Variants in CEP131 observed in about 807,000 individuals in gnomAD.
CEP131 encodes the protein centrosomal protein 131, also known as centrosomal protein of 131 kDa.
Under a neutral mutation model 136.8 loss-of-function variants are expected in CEP131, and 99 were observed. The observed-to-expected ratio is 0.72, with a 90% CI of 0.62 to 0.86. The LOEUF is 0.86. Among genes scored for constraint, CEP131 ranks in the 40% least tolerant of loss-of-function variants. The pLI is 0.00. For missense variants in CEP131, 1,459 were observed against 1,463.0 expected (o/e 1.00, Z 0.04); for synonymous variants, 646 against 612.7 (o/e 1.05, Z -0.80).
At chr17:81,213,650 G>A (rs1156297638) in intron 2 of CEP131, among the ~76,000 whole-genome samples, 3 of 152,068 alleles carry the variant, frequency 2.0e-5, no homozygotes, top group African/African-American at 7.3e-5. Context: ...CTTCTCTAAA[G>A]GAGGGGGAGC....
At chr17:81,193,467 G>T (rs2061687079) in intron 18 of CEP131, among the ~76,000 whole-genome samples, 1 of 152,152 alleles carries the variant, frequency 6.6e-6, no homozygotes, top group African/African-American at 2.4e-5. Flanking sequence ...GACCACCACT[G>T]GGCACGTCCC....
At chr17:81,212,078 G>A (rs546899734) in intron 2 of CEP131, among the ~76,000 whole-genome samples, 3 of 152,208 alleles carry the variant, frequency 2.0e-5, no homozygotes, top group African/African-American at 7.2e-5. Flanking sequence ...ACTTTGAGAG[G>A]CCGAGGTGGG....
At chr17:81,197,117 A>G (rs967458896) in intron 13 of CEP131, 62 bp from the exon 14 acceptor site, 100 of 1,533,750 alleles carry the variant, frequency 6.5e-5, no homozygotes, top group Non-Finnish European at 8.6e-5. Flanking sequence ...CAAGGACCTG[A>G]CACGATGCCC....
At chr17:81,213,048 G>A (rs769614481) in intron 2 of CEP131, among the ~76,000 whole-genome samples, 9 of 152,118 alleles carry the variant, frequency 5.9e-5, no homozygotes, top group Non-Finnish European at 1.3e-4. Context: ...GGAGGAAATA[G>A]ACAAGATGAG....
At position 81,199,728 on chromosome 17, in the gene CEP131, T is replaced by C. The variant is rs2061847685; in HGVS notation, c.1014A>G (p.Ala338=). The C allele has an allele frequency of 6.2e-7, 1 of 1,609,410 alleles. No homozygotes were observed. ...REEKARQARR[A]AIQELQQKRA... ...CCTGCGCGGTCAGCACCTGAATGGC[T>C]GCTCGCCTGGCTTGGCGTGCCTTCT... is the stretch of plus-strand genomic sequence containing the variant. The change falls in exon 9 of 26, where the codon GCA becomes GCG. Residue 338 remains alanine (A), a synonymous_variant. Coordinates refer to ENST00000450824, the MANE Select transcript of CEP131 (RefSeq NM_014984.4).
chr17:81,196,825 G>T lies in CEP131; in HGVS notation c.1775C>A (p.Ala592Glu). The change falls in exon 15 of 26, where the codon GCG becomes GAG. Residue 592 changes from alanine to glutamate, a missense_variant and splice_region_variant. Transcript: ENST00000450824. Reference protein sequence around the residue: ...QAMLLLQRALAQQRDLTARRV... With the variant: ...QAMLLLQRALEQQRDLTARRV... ...CCGGGCCGTGAGGTCTCGCTGCTGC[G>T]CCTGCAGGGTGTGGGCAGAGGAGGG... 6.3e-7 allele frequency: 1 copy of T among 1,595,384 alleles called. No individual in the cohort carries two copies. Among genetic ancestry groups the T allele is most frequent in the Non-Finnish European group, 8.5e-7 (1 of 1,172,274 alleles).
intron 1 of CEP131, among the ~76,000 whole-genome samples, chr17:81,221,393 C>T (rs1052862107): frequency 7.2e-5 from 11 of 152,170 alleles, no homozygotes; most frequent in African/African-American, 1.9e-4. Context: ...TCTTTCTGAA[C>T]GGGTCTCAGC....
chr17:81,207,049 CAGTG>C, intron 4 of CEP131, 72 bp downstream of exon 4: 1 of 1,546,050 alleles, frequency 6.5e-7, no homozygotes, highest in South Asian at 1.2e-5. Flanking sequence ...TTTGCAAAGG[CAGTG>C]AGAACAAATT....
chr17:81,194,289 G>A (rs1037961524), intron 17 of CEP131, among the ~76,000 whole-genome samples, 162 bp from the exon 18 acceptor site: 2 of 152,164 alleles, frequency 1.3e-5, no homozygotes, highest in African/African-American at 4.8e-5. Context: ...CGCCCACGAG[G>A]TGGGGAAGAG....
rs2062068972 is a variant in CEP131, at chr17:81,208,737, G to C, written c.272+191C>G. ...GGAGAGTGTCTGCCTCAGGCCTCCC[G>C]CCCCAATGCGAGAGGAGGCCTGGGA... is the stretch of plus-strand genomic sequence containing the variant. On this transcript the variant is annotated intron_variant, in intron 3 of 25. Transcript: ENST00000450824. This position sits in a 1 kb window ranked among gnomAD's most constrained non-coding sequence, Gnocchi z 5.6. 6.6e-6 allele frequency among the ~76,000 whole-genome samples: 1 copy of C among 152,078 alleles called. No individual in the cohort carries two copies. Among genetic ancestry groups the C allele is most frequent in the African/African-American group, 2.4e-5 (1 of 41,434 alleles).
chr17:81,216,262 G>A (rs1057046012), intron 2 of CEP131, among the ~76,000 whole-genome samples: 1 of 152,140 alleles, frequency 6.6e-6, no homozygotes, highest in Admixed American at 6.5e-5. Flanking sequence ...GGGAGGCAGA[G>A]GCAGGAGAAT....
Position 81,191,077 on chromosome 17 carries a change from G to T in CEP131, c.2773C>A (p.Arg925Ser), listed in dbSNP as rs753513530. 6.2e-7 allele frequency: 1 copy of T among 1,602,698 alleles called. No individual in the cohort carries two copies. The highest frequency in any genetic ancestry group is 8.5e-7 in the Non-Finnish European group (1 of 1,173,776). The change falls in exon 23 of 26, where the codon CGC (arginine) becomes AGC (serine). Residue 925 changes from arginine to serine, a missense_variant. Physicochemically the swap from Arg to Ser is moderately radical, Grantham distance 110. This residue lies in a region of CEP131 where 1,026 missense variants were observed against 964.2 expected (regional missense o/e 1.06). Coordinates refer to ENST00000450824, the MANE Select transcript of CEP131 (RefSeq NM_014984.4). ...TCGGCCTCGTACTTGTCCCGTAAGC[G>T]CTTGATGCTGGAGGTGGGGGGAGGG... The part of the protein sequence containing the change: ...SEKAAESRIK[R>S]LRDKYEAELS...
intron 19 of CEP131, 48 bp from the exon 20 acceptor site, chr17:81,192,641 T>G: frequency 8.2e-7 from 1 of 1,226,754 alleles, no homozygotes; most frequent in Non-Finnish European, 1.1e-6. Flanking sequence ...GAGTAAGGAG[T>G]CAGGGATGGG....
Position 81,191,442 on chromosome 17 carries a change from G to A in CEP131, c.2623-107C>T, listed in dbSNP as rs946172257. 6.7e-6 allele frequency: 7 copies of A among 1,041,090 alleles called. No individual in the cohort carries two copies. In the East Asian group the frequency reaches 9.5e-5, roughly 14 times the overall value. 64.5% of individuals were successfully genotyped at this position (1,041,090 alleles called of 1,614,324 possible). ...GCTCCAGGCTCTGAGCCACAGGGGA[G>A]CAAGGGGCCTTCCCCCTCTCCAGAC... On this transcript the variant is annotated intron_variant, in intron 21 of 25. Coordinates refer to ENST00000450824, the MANE Select transcript of CEP131 (RefSeq NM_014984.4).
chr17:81,196,750 C>T lies in CEP131; in HGVS notation c.1850G>A (p.Arg617Lys), dbSNP rs542697676. Residue 617 changes from arginine (R) to lysine (K), a missense_variant, in exon 15 of 26, where the codon AGG (arginine) becomes AAG (lysine). Arg to Lys is a conservative substitution (Grantham distance 26, BLOSUM62 2). Around this residue, in one of 3 missense-constraint regions of CEP131, gnomAD observed 1,026 missense variants for 964.2 expected, o/e 1.06. Coordinates refer to ENST00000450824, the MANE Select transcript of CEP131 (RefSeq NM_014984.4). ...CTGGATGGTGGCCTCGTAGTGCTCC[C>T]TCTGCCGCTGCAGCTGCCGGCTCAG... ...KALSRQLQRQ[R>K]EHYEATIQRH... The T allele has an allele frequency of 3.0e-4, 481 of 1,601,384 alleles. 9 individuals carry two copies. In the South Asian group the frequency reaches 4.9e-3, roughly 16 times the overall value.
rs35729341 is a variant in CEP131 at position 81,213,558 on chromosome 17, C to CAAA, written c.178-4539_178-4537dup. ...TGGGCGACAGCGTGAGACACTGTCTCAAAAAAAAAAAAAAATTATAAATGA... is the reference window on the plus strand; with the variant it reads ...TGGGCGACAGCGTGAGACACTGTCTCAAAAAAAAAAAAAAAAAATTATAAATGA... On this transcript the variant is annotated intron_variant, in intron 2 of 25. Coordinates refer to ENST00000450824, the MANE Select transcript of CEP131 (RefSeq NM_014984.4). Among the ~76,000 whole-genome samples the CAAA allele has an allele frequency of 4.7e-3, 642 of 137,886 alleles. 10 individuals carry two copies. In the East Asian group the frequency reaches 0.059, roughly 13 times the overall value. 90.5% of individuals were successfully genotyped at this position (137,886 alleles called of 152,430 possible).
intron 1 of CEP131, among the ~76,000 whole-genome samples, chr17:81,220,392 T>C (rs1057226347): frequency 6.6e-6 from 1 of 152,228 alleles, no homozygotes; most frequent in Non-Finnish European, 1.5e-5. Context: ...CCATTGTCGA[T>C]GTGAGCCAGG....
intron 3 of CEP131, 113 bp from the exon 4 acceptor site, chr17:81,207,352 CA>C: frequency 1.1e-6 from 1 of 887,866 alleles, no homozygotes; most frequent in Non-Finnish European, 1.7e-6. Flanking sequence ...GCACTAGCAG[CA>C]ACTCTGTTTC....
chr17:81,192,981 G>C, intron 18 of CEP131, 138 bp from the exon 19 acceptor site: 1 of 1,381,846 alleles, frequency 7.2e-7, no homozygotes, highest in Non-Finnish European at 9.6e-7. Context: ...CTCCCCCTCG[G>C]CAGTCAAGGC....
Sources: allele counts gnomAD v4.1 joint callset (sites outside exome capture counted in the v4.1 genomes callset), GRCh38; gene constraint gnomAD v4.1.1; regional missense constraint gnomAD v4.1.1; non-coding constraint Gnocchi (gnomAD v3.1); transcripts MANE v1.5; gene names NCBI Gene and HGNC (gene_info 2026-07-23, HGNC 2026-07-21).